The following BBS9 variants were observed in gnomAD, a reference collection of about 807,000 sequenced individuals.
The protein encoded by BBS9 is Bardet-Biedl syndrome 9.
Under a neutral mutation model 117.7 loss-of-function variants are expected in BBS9, and 89 were observed. That is an observed-to-expected ratio of 0.76 (90% CI 0.64 to 0.90). BBS9 has a LOEUF of 0.90. Ranked by LOEUF, BBS9 falls within the 40% of genes least tolerant of loss-of-function variation. BBS9 has a pLI of 0.00. For synonymous variants in BBS9, 379 were observed against 370.9 expected, an observed-to-expected ratio of 1.02 and a Z score of -0.25; for missense variants, 982 against 1,042.2, an observed-to-expected ratio of 0.94 and a Z score of 0.80.
chr7:33,236,342 A>G (rs1441351367), intron 5 of BBS9, among the ~76,000 whole-genome samples: 60 of 145,494 alleles, frequency 4.1e-4, no homozygotes, highest in African/African-American at 1.3e-3. Context: ...AAAAAAAAAG[A>G]AAAAAAAATT....
intron 19 of BBS9, among the ~76,000 whole-genome samples, chr7:33,450,646 T>C (rs1837669681): frequency 6.6e-6 from 1 of 152,236 alleles, no homozygotes; most frequent in African/African-American, 2.4e-5. Context: ...TCTTTTCCTA[T>C]GCGTCTTGGC....
At chr7:33,254,919 G>A (rs780861083) in intron 5 of BBS9, among the ~76,000 whole-genome samples, 5 of 152,066 alleles carry the variant, frequency 3.3e-5, no homozygotes, top group Non-Finnish European at 5.9e-5. Context: ...GCAATGTTGA[G>A]CACCTTTTCA....
Position 33,446,910 on chromosome 7 carries a change from T to A in BBS9, c.2116-58553T>A, listed in dbSNP as rs527827773. Reference sequence around the variant, plus strand: ...ATGTGGAGAACAGATTCAGTCTGAGTTGACTGCTAGGCTCATTTCACCCTA... The same window carrying A: ...ATGTGGAGAACAGATTCAGTCTGAGATGACTGCTAGGCTCATTTCACCCTA... On this transcript the variant is annotated intron_variant, in intron 19 of 22. Coordinates refer to ENST00000242067, the MANE Select transcript of BBS9 (RefSeq NM_198428.3). Among the ~76,000 whole-genome samples the A allele has an allele frequency of 2.6e-4, 40 of 152,288 alleles. No homozygotes were observed. The South Asian group carries it at 8.3e-3, about 32-fold the overall frequency.
At chr7:33,227,019 T>A (rs1791413725) in intron 5 of BBS9, among the ~76,000 whole-genome samples, 1 of 152,162 alleles carries the variant, frequency 6.6e-6, no homozygotes, top group Non-Finnish European at 1.5e-5. Context: ...GAACTGTACA[T>A]TCTAAAATGG....
chr7:33,440,194 C>T (rs1355754611), intron 19 of BBS9, among the ~76,000 whole-genome samples: 2 of 152,134 alleles, frequency 1.3e-5, no homozygotes, highest in Non-Finnish European at 2.9e-5. Context: ...AATAATAAAG[C>T]TTATCTCATA....
chr7:33,308,185 C>T (rs1450724406), intron 9 of BBS9, among the ~76,000 whole-genome samples: 2 of 152,078 alleles, frequency 1.3e-5, no homozygotes, highest in Non-Finnish European at 2.9e-5. Flanking sequence ...CTCATGAAGA[C>T]ATCATTAGTA....
chr7:33,459,903 T>A lies in BBS9; in HGVS notation c.2116-45560T>A, dbSNP rs10259513. Among the ~76,000 whole-genome samples the A allele has an allele frequency of 4.1e-3, 621 of 152,272 alleles. 5 individuals carry two copies. The highest frequency in any genetic ancestry group is 0.014 in the African/African-American group (598 of 41,552). ...TTCTTTTCTTATGTTTGAGCTTACA[T>A]GGAACATTCTAATTACCCAAGTAAT... On this transcript the variant is annotated intron_variant, in intron 19 of 22. Transcript: ENST00000242067.
At chr7:33,605,097 C>A in intron 22 of BBS9, 98 bp from the exon 23 acceptor site, 1 of 1,462,116 alleles carries the variant, frequency 6.8e-7, no homozygotes, top group Non-Finnish European at 9.6e-7. Flanking sequence ...CTTCATTCTT[C>A]CCCTTAGCAC....
In BBS9 at chr7:33,138,642, T is replaced by C. The variant is rs118114369; in HGVS notation, c.-11-7600T>C. Among the ~76,000 whole-genome samples the C allele has an allele frequency of 8.2e-3, 1,237 of 151,160 alleles. 11 individuals are homozygous for C. The highest frequency in any genetic ancestry group is 0.013 in the Admixed American group (202 of 15,156). On this transcript the variant is annotated intron_variant, in intron 1 of 22. Transcript: ENST00000242067. ...GAGCAGGAGAAACAATAATGATATA[T>C]ATATTTTTAAGAGACAGGGTCTGGC... is the stretch of plus-strand genomic sequence containing the variant.
intron 9 of BBS9, among the ~76,000 whole-genome samples, chr7:33,323,833 C>CTTTTTT (rs1227126451): frequency 3.8e-5 from 4 of 105,168 alleles, no homozygotes; most frequent in Non-Finnish European, 7.6e-5. Flanking sequence ...TCCTGTCTTC[C>CTTTTTT]TTTTTTTTTT....
At position 33,278,248 on chromosome 7, in the gene BBS9, C is replaced by A. The variant is rs741292; in HGVS notation, c.1016+4292C>A. Among the ~76,000 whole-genome samples the A allele has an allele frequency of 1.5e-3, 229 of 152,302 alleles. 1 individual carries two copies. The highest frequency in any genetic ancestry group is 5.1e-3 in the African/African-American group (210 of 41,564). On this transcript the variant is annotated intron_variant, in intron 9 of 22. Coordinates refer to ENST00000242067, the MANE Select transcript of BBS9 (RefSeq NM_198428.3). Reference sequence around the variant, plus strand: ...CTATGATATGGGAAAAGGGTGAGGACTGCTCTAACTTCTTCCTACTGACAG... The same window carrying A: ...CTATGATATGGGAAAAGGGTGAGGAATGCTCTAACTTCTTCCTACTGACAG...
chr7:33,330,019 T>G (rs1164638891), intron 9 of BBS9, among the ~76,000 whole-genome samples: 2 of 152,060 alleles, frequency 1.3e-5, no homozygotes, highest in African/African-American at 4.8e-5. Flanking sequence ...TATAAAATTG[T>G]GTTTTTTTTT....
Position 33,257,407 on chromosome 7 carries a change from A to G in BBS9, c.614A>G (p.Tyr205Cys), listed in dbSNP as rs183569253. 5.0e-6 allele frequency: 8 copies of G among 1,613,746 alleles called. No individual in the cohort carries two copies. The East Asian group carries it at 1.6e-4, about 31-fold the overall frequency. ...TVSSCQQVESYKYQVLAFATD... is the reference protein window; with the variant it reads ...TVSSCQQVESCKYQVLAFATD... ...TCTTCCTGCCAACAAGTGGAAAGTT[A>G]TAAGTAAGTTTGGATGTTAAGTCTT... The change falls in exon 6 of 23, where the codon TAT (tyrosine) becomes TGT (cysteine). Residue 205 changes from tyrosine to cysteine, a missense_variant. Coordinates refer to ENST00000242067, the MANE Select transcript of BBS9 (RefSeq NM_198428.3).
chr7:33,505,707 G>C (rs145839122), intron 20 of BBS9, 62 bp downstream of exon 20: 4 of 1,537,646 alleles, frequency 2.6e-6, no homozygotes, highest in Non-Finnish European at 3.6e-6. Flanking sequence ...GCTTTAGGAA[G>C]ATATCACATG....
intron 12 of BBS9, 76 bp downstream of exon 12, chr7:33,344,710 TG>T: frequency 7.1e-7 from 1 of 1,410,964 alleles, no homozygotes; most frequent in Non-Finnish European, 1.0e-6. Flanking sequence ...GTTGAGAACT[TG>T]TAAGTAGCTT....
intron 9 of BBS9, among the ~76,000 whole-genome samples, 166 bp downstream of exon 9, chr7:33,274,122 G>A (rs1377850458): frequency 6.6e-6 from 1 of 152,140 alleles, no homozygotes; most frequent in Admixed American, 6.5e-5. Context: ...TATTGGAAAG[G>A]AAGGATAATT....
chr7:33,168,641 C>T (rs946956178), intron 4 of BBS9, among the ~76,000 whole-genome samples: 3 of 152,024 alleles, frequency 2.0e-5, no homozygotes, highest in African/African-American at 7.2e-5. Context: ...ACAAGATTTC[C>T]ATAAACCTTT....
At chr7:33,146,465 G>GA (rs1792369433) in intron 2 of BBS9, 101 bp downstream of exon 2, 1 of 910,656 alleles carries the variant, frequency 1.1e-6, no homozygotes. Context: ...CTTTTGGGAG[G>GA]CCGACGTGGG....
At chr7:33,399,560 G>A (rs1379334454) in intron 19 of BBS9, among the ~76,000 whole-genome samples, 1 of 152,018 alleles carries the variant, frequency 6.6e-6, no homozygotes, top group Non-Finnish European at 1.5e-5. Context: ...CATCTTGCAT[G>A]GTGCTTATTT....
Sources: allele counts gnomAD v4.1 joint callset (sites outside exome capture counted in the v4.1 genomes callset), GRCh38; gene constraint gnomAD v4.1.1; transcripts MANE v1.5; gene names NCBI Gene and HGNC (gene_info 2026-07-23, HGNC 2026-07-21).